ST3GAL3: variants seen among roughly 807,000 people sequenced by gnomAD.
The protein encoded by ST3GAL3 is CMP-N-acetylneuraminate-beta-1,4-galactoside alpha-2,3-sialyltransferase.
ST3GAL3 carries 21 observed loss-of-function variants against 50.1 expected under a neutral mutation model. The ratio of observed to expected loss-of-function variants is 0.42; its 90% CI spans 0.30 to 0.60. The LOEUF is 0.60. Ranked by LOEUF, ST3GAL3 falls within the 20% of genes least tolerant of loss-of-function variation. The pLI, the probability that ST3GAL3 is intolerant of heterozygous loss-of-function variation, is 0.19. For synonymous variants in ST3GAL3, 183 were observed against 190.0 expected (o/e 0.96, Z 0.30); for missense variants, 353 against 489.4 (o/e 0.72, Z 2.63).
In ST3GAL3 at chr1:43,838,724, A is replaced by T. The variant is rs898963247; in HGVS notation, c.302+413A>T. 3 of 273,332 alleles carry T rather than the reference A, an allele frequency of 1.1e-5. No individual in the cohort carries two copies. The Admixed American group carries it at 1.4e-4, about 12-fold the overall frequency. The allele number at this position is 273,332 out of a possible 1,614,324, so 16.9% of individuals were successfully genotyped here. ...CAAATAAAGCAGGGAACAAAGAGAAATTTCTGAGGCTGTCTTGAGTTTTAG... is the reference window on the plus strand; with the variant it reads ...CAAATAAAGCAGGGAACAAAGAGAATTTTCTGAGGCTGTCTTGAGTTTTAG... On this transcript the variant is annotated intron_variant, in intron 5 of 11. Transcript: ENST00000347631.
At chr1:43,821,680 C>G (rs1179698258) in intron 4 of ST3GAL3, among the ~76,000 whole-genome samples, 1 of 152,124 alleles carries the variant, frequency 6.6e-6, no homozygotes, top group Admixed American at 6.5e-5. Context: ...AGAATTGACC[C>G]CGTCTTCCCC....
At chr1:43,874,560 C>T (rs758042863) in intron 5 of ST3GAL3, among the ~76,000 whole-genome samples, 2 of 152,086 alleles carry the variant, frequency 1.3e-5, no homozygotes, top group South Asian at 2.1e-4. Flanking sequence ...GGATAAACAA[C>T]GTATTTGTTT....
intron 3 of ST3GAL3, among the ~76,000 whole-genome samples, chr1:43,792,872 A>G (rs968330225): frequency 3.9e-5 from 6 of 152,282 alleles, no homozygotes; most frequent in East Asian, 1.9e-4. Context: ...TTGGGTCCCT[A>G]TGGGAGCCTC....
chr1:43,882,294 A>G (rs1390128293), intron 5 of ST3GAL3, among the ~76,000 whole-genome samples: 1 of 151,994 alleles, frequency 6.6e-6, no homozygotes, highest in Non-Finnish European at 1.5e-5. Context: ...AGCCTGATAG[A>G]CTCTGGAAAT....
intron 2 of ST3GAL3, among the ~76,000 whole-genome samples, chr1:43,763,946 CTT>C (rs1691549892): frequency 6.6e-6 from 1 of 152,170 alleles, no homozygotes; most frequent in Non-Finnish European, 1.5e-5. Flanking sequence ...AGAGTTGAGG[CTT>C]TGGAATCCAC....
intron 9 of ST3GAL3, among the ~76,000 whole-genome samples, chr1:43,906,960 T>C (rs1312638211): frequency 6.6e-6 from 1 of 152,192 alleles, no homozygotes; most frequent in East Asian, 1.9e-4. Flanking sequence ...CTCAGGGATC[T>C]TCCTAAGAAA....
intron 5 of ST3GAL3, among the ~76,000 whole-genome samples, chr1:43,865,315 G>A (rs2071072255): frequency 1.3e-5 from 2 of 152,234 alleles, no homozygotes; most frequent in Non-Finnish European, 2.9e-5. Context: ...ACCATGCCCG[G>A]TCATAACATT....
intron 5 of ST3GAL3, among the ~76,000 whole-genome samples, chr1:43,847,972 G>T (rs983442231): frequency 1.3e-5 from 2 of 152,080 alleles, no homozygotes; most frequent in Non-Finnish European, 2.9e-5. Flanking sequence ...GGGCAGGTCC[G>T]ATGACTGCGA....
At chr1:43,732,002 T>C (rs1676142828) in intron 1 of ST3GAL3, among the ~76,000 whole-genome samples, 1 of 152,180 alleles carries the variant, frequency 6.6e-6, no homozygotes, top group Non-Finnish European at 1.5e-5. Flanking sequence ...TTAAATATTA[T>C]TGTCATCTTC....
chr1:43,813,793 G>C (rs2060852102), intron 3 of ST3GAL3, among the ~76,000 whole-genome samples: 1 of 151,610 alleles, frequency 6.6e-6, no homozygotes, highest in Non-Finnish European at 1.5e-5. Context: ...TTGGTATTCT[G>C]TTTTATCCTC....
chr1:43,708,948 A>G (rs1432668978), intron 1 of ST3GAL3, among the ~76,000 whole-genome samples: 3 of 152,228 alleles, frequency 2.0e-5, no homozygotes, highest in African/African-American at 4.8e-5. Context: ...GGCCTATAAT[A>G]TACTTGAGGG....
At chr1:43,804,515 G>A (rs1274168321) in intron 3 of ST3GAL3, among the ~76,000 whole-genome samples, 2 of 152,134 alleles carry the variant, frequency 1.3e-5, no homozygotes, top group African/African-American at 2.4e-5. Flanking sequence ...GCAGACAGAC[G>A]CCAGTGACTC....
Position 43,727,745 on chromosome 1 carries a change from C to T in ST3GAL3, c.-30-8488C>T, listed in dbSNP as rs548386106. ...TGCTGTCTTTAGCCTCATCCCTTCCCCAAACTTCACATTGTTCTGGGTTTT... is the reference window on the plus strand; with the variant it reads ...TGCTGTCTTTAGCCTCATCCCTTCCTCAAACTTCACATTGTTCTGGGTTTT... On this transcript the variant is annotated intron_variant, in intron 1 of 11. Coordinates refer to ENST00000347631, the MANE Select transcript of ST3GAL3 (RefSeq NM_006279.5). 5.3e-5 allele frequency among the ~76,000 whole-genome samples: 8 copies of T among 152,286 alleles called. No homozygotes were observed. In the East Asian group the frequency reaches 1.3e-3, roughly 26 times the overall value.
chr1:43,850,844 T>C, intron 5 of ST3GAL3: 1 of 1,183,970 alleles, frequency 8.4e-7, no homozygotes, highest in Non-Finnish European at 1.3e-6. Flanking sequence ...TGTGGGGACC[T>C]CCCTGAAGGC....
At chr1:43,715,942 C>A (rs1027570668) in intron 1 of ST3GAL3, among the ~76,000 whole-genome samples, 1 of 152,188 alleles carries the variant, frequency 6.6e-6, no homozygotes, top group African/African-American at 2.4e-5. Context: ...GAAAATAGTT[C>A]TAAACTCATG....
chr1:43,760,873 G>A (rs918302585), intron 2 of ST3GAL3, among the ~76,000 whole-genome samples: 3 of 152,144 alleles, frequency 2.0e-5, no homozygotes, highest in East Asian at 3.8e-4. Context: ...ATATCCAAAC[G>A]ATGGACTGTT....
At chr1:43,832,112 G>T (rs2063624863) in intron 4 of ST3GAL3, among the ~76,000 whole-genome samples, 1 of 152,174 alleles carries the variant, frequency 6.6e-6, no homozygotes, top group Non-Finnish European at 1.5e-5. Flanking sequence ...CAGATCTCTG[G>T]TGGAGTGCCT....
chr1:43,736,924 A>G (rs753477640), intron 2 of ST3GAL3: 6 of 217,864 alleles, frequency 2.8e-5, no homozygotes, highest in Admixed American at 1.1e-4. Flanking sequence ...AGTAACTCCT[A>G]ATTTTTTTCT....
chr1:43,867,116 C>T (rs748489733), intron 5 of ST3GAL3, among the ~76,000 whole-genome samples: 4 of 152,132 alleles, frequency 2.6e-5, no homozygotes, highest in East Asian at 1.9e-4. Context: ...GGTGACAGAG[C>T]GAGACTCCGT....
Sources: gnomAD v4.1 joint callset for allele counts (sites outside exome capture counted in the v4.1 genomes callset) on GRCh38, gnomAD v4.1.1 for gene constraint, MANE v1.5 for transcripts, NCBI Gene and HGNC (gene_info 2026-07-23, HGNC 2026-07-21) for gene names.